Variants in PHF21A observed in about 807,000 individuals in gnomAD.
PHF21A encodes the protein PHD finger protein 21A.
Under a neutral mutation model 82.5 loss-of-function variants are expected in PHF21A, and 11 were observed. That is an observed-to-expected ratio of 0.13 (90% CI 0.08 to 0.22). The LOEUF is 0.22. PHF21A is among the 10% of genes least tolerant of loss of function. PHF21A has a pLI of 1.00. For missense variants in PHF21A, 579 were observed against 837.8 expected (o/e 0.69, Z 3.81); for synonymous variants, 297 against 302.8 (o/e 0.98, Z 0.20).
chr11:46,112,989 T>C (rs2097237616), intron 1 of PHF21A, among the ~76,000 whole-genome samples: 1 of 152,250 alleles, frequency 6.6e-6, no homozygotes, highest in African/African-American at 2.4e-5. Flanking sequence ...AGGTTGTTTC[T>C]GAAGACTCAC....
At chr11:46,025,267 T>A (rs1005679186) in intron 6 of PHF21A, among the ~76,000 whole-genome samples, 4 of 152,216 alleles carry the variant, frequency 2.6e-5, no homozygotes, top group African/African-American at 9.6e-5. Context: ...GGAGTCTTCT[T>A]CTGTCTTATC....
Position 46,048,625 on chromosome 11 carries a change from C to A in PHF21A, c.153+28129G>T, listed in dbSNP as rs552323826. Among the ~76,000 whole-genome samples, 15 of 152,052 alleles carry A rather than the reference C, an allele frequency of 9.9e-5. No individual in the cohort carries two copies. The South Asian group carries it at 3.1e-3, about 32-fold the overall frequency. On this transcript the variant is annotated intron_variant, in intron 6 of 18. Transcript: ENST00000676320. Reference sequence around the variant, plus strand: ...TCTCTACTAAAAATACAAAAATTAGCCGGGCATGGTGGCATACACCTGTAA... The same window carrying A: ...TCTCTACTAAAAATACAAAAATTAGACGGGCATGGTGGCATACACCTGTAA...
chr11:46,001,388 G>A (rs1023829759), intron 6 of PHF21A, among the ~76,000 whole-genome samples: 1 of 150,400 alleles, frequency 6.6e-6, no homozygotes, highest in African/African-American at 2.5e-5. Context: ...ATAAAGTATT[G>A]CCATGTACTT....
At chr11:46,110,207 C>A (rs2097196480) in intron 1 of PHF21A, among the ~76,000 whole-genome samples, 1 of 152,028 alleles carries the variant, frequency 6.6e-6, no homozygotes, top group African/African-American at 2.4e-5. Flanking sequence ...CTTTTAATAT[C>A]ATAGTGAAGC....
At chr11:45,990,068 G>A (rs1345870975) in intron 6 of PHF21A, among the ~76,000 whole-genome samples, 3 of 152,014 alleles carry the variant, frequency 2.0e-5, no homozygotes, top group African/African-American at 7.2e-5. Flanking sequence ...TTTCACAGGT[G>A]ATGAAAATTA....
chr11:46,094,253 A>G (rs916636496), intron 1 of PHF21A, among the ~76,000 whole-genome samples: 10 of 152,326 alleles, frequency 6.6e-5, no homozygotes, highest in African/African-American at 2.2e-4. Context: ...AGCAGGGCCA[A>G]TCCTGAACTG....
At chr11:46,059,029 T>G (rs1592633471) in intron 6 of PHF21A, among the ~76,000 whole-genome samples, 1 of 152,178 alleles carries the variant, frequency 6.6e-6, no homozygotes, top group African/African-American at 2.4e-5. Context: ...CCTAATACAG[T>G]TCCAATAATT....
chr11:45,976,436 C>T (rs1472533561), intron 7 of PHF21A, among the ~76,000 whole-genome samples: 4 of 152,146 alleles, frequency 2.6e-5, no homozygotes, highest in Non-Finnish European at 4.4e-5. Context: ...AGGAACTCCA[C>T]AAATATTTAC....
At chr11:46,112,429 C>A (rs1007313777) in intron 1 of PHF21A, among the ~76,000 whole-genome samples, 4 of 152,072 alleles carry the variant, frequency 2.6e-5, no homozygotes, top group Non-Finnish European at 4.4e-5. Context: ...GTGCTAGGTA[C>A]GGTCATAGAT....
intron 3 of PHF21A, among the ~76,000 whole-genome samples, chr11:46,086,182 G>A (rs1280454864): frequency 2.6e-5 from 4 of 151,252 alleles, no homozygotes; most frequent in Non-Finnish European, 4.4e-5. Flanking sequence ...GCAGTGGCAC[G>A]ATCTCAGCTC....
At chr11:46,082,038 G>C (rs1251378268) in intron 4 of PHF21A, among the ~76,000 whole-genome samples, 1 of 152,080 alleles carries the variant, frequency 6.6e-6, no homozygotes, top group Non-Finnish European at 1.5e-5. Context: ...GATCAAAAAA[G>C]GGAGGAGGAA....
chr11:46,021,203 G>A (rs919766105), intron 6 of PHF21A, among the ~76,000 whole-genome samples: 19 of 151,976 alleles, frequency 1.3e-4, no homozygotes, highest in African/African-American at 4.6e-4. Flanking sequence ...GGAACTACAG[G>A]TGCAAGCCGC....
chr11:45,968,685 T>C (rs2093588175), intron 9 of PHF21A, among the ~76,000 whole-genome samples: 1 of 151,820 alleles, frequency 6.6e-6, no homozygotes, highest in African/African-American at 2.4e-5. Context: ...ACCCAGCACT[T>C]TGGGAGGCCG....
chr11:45,971,376 C>G lies in PHF21A; in HGVS notation c.361-9G>C. ...GCTGTAGTTACAGTCTTCTAGGAGA[C>G]AGGGAAAACAGATATTAGGACACTA... On this transcript the variant is annotated splice_polypyrimidine_tract_variant and intron_variant, in intron 7 of 18. Coordinates refer to ENST00000676320, the MANE Select transcript of PHF21A (RefSeq NM_001352027.3). 1 of 1,609,374 alleles carries G rather than the reference C, an allele frequency of 6.2e-7. No individual in the cohort carries two copies. Among genetic ancestry groups the G allele is most frequent in the Non-Finnish European group, 8.5e-7 (1 of 1,177,022 alleles).
intron 6 of PHF21A, among the ~76,000 whole-genome samples, chr11:46,065,755 T>C (rs1172264589): frequency 2.0e-5 from 3 of 152,232 alleles, no homozygotes; most frequent in African/African-American, 7.2e-5. Context: ...TAAGCGCCAC[T>C]GTGTGTGAAG....
At position 45,933,515 on chromosome 11, in the gene PHF21A, A is replaced by C. The variant is rs2087971624; in HGVS notation, c.*453T>G. On this transcript the variant is annotated 3_prime_UTR_variant, in exon 19 of 19. Coordinates refer to ENST00000676320, the MANE Select transcript of PHF21A (RefSeq NM_001352027.3). ...TAGTAGCGAAAGTTTAGAAACAGGA[A>C]AGCCCACACACTCTTTGGACTTGTC... 6.4e-6 allele frequency: 1 copy of C among 155,346 alleles called. No individual in the cohort carries two copies. The highest frequency in any genetic ancestry group is 1.4e-5 in the Non-Finnish European group (1 of 70,066). 9.6% of individuals were successfully genotyped at this position (155,346 alleles called of 1,614,324 possible).
intron 18 of PHF21A, chr11:45,935,233 A>G: frequency 1.5e-6 from 2 of 1,295,818 alleles, no homozygotes; most frequent in Non-Finnish European, 2.0e-6. Context: ...GGATGGGCCC[A>G]CTCGCTCAGG....
intron 6 of PHF21A, among the ~76,000 whole-genome samples, chr11:46,055,567 C>A (rs2096441254): frequency 6.6e-6 from 1 of 152,084 alleles, no homozygotes; most frequent in Admixed American, 6.6e-5. Context: ...ATTGACCTTT[C>A]CAATTCCCTA....
chr11:45,970,366 G>A, intron 8 of PHF21A: 1 of 164,714 alleles, frequency 6.1e-6, no homozygotes. Flanking sequence ...AAGGATTCCT[G>A]GATAAGCGGT....
Sources: gnomAD v4.1 joint callset for allele counts (sites outside exome capture counted in the v4.1 genomes callset) on GRCh38, gnomAD v4.1.1 for gene constraint, MANE v1.5 for transcripts, NCBI Gene and HGNC (gene_info 2026-07-23, HGNC 2026-07-21) for gene names.